The following CAND1 variants were observed in gnomAD, a reference collection of about 807,000 sequenced individuals.
The protein encoded by CAND1 is cullin-associated NEDD8-dissociated protein 1.
CAND1 carries 7 observed loss-of-function variants against 108.5 expected under a neutral mutation model. The ratio of observed to expected loss-of-function variants is 0.06; its 90% CI spans 0.04 to 0.12. The LOEUF is 0.12. Among genes scored for constraint, CAND1 ranks in the 10% least tolerant of loss-of-function variants. The probability of loss-of-function intolerance (pLI) is 1.00; values close to 1 mark genes in which losing one functional copy is unlikely to be tolerated. For synonymous variants in CAND1, 534 were observed against 512.0 expected, an observed-to-expected ratio of 1.04 and a Z score of -0.58; for missense variants, 941 against 1,448.7, an observed-to-expected ratio of 0.65 and a Z score of 5.69.
intron 1 of CAND1, among the ~76,000 whole-genome samples, chr12:67,281,191 G>A (rs1328400821): frequency 1.3e-5 from 2 of 151,456 alleles, no homozygotes; most frequent in East Asian, 1.9e-4. Context: ...TTAGCTGGGC[G>A]TGGTGACAGG....
rs1416743995 is a variant in CAND1 at position 67,282,469 on chromosome 12, C to T, written c.212+416C>T. 1.1e-4 allele frequency among the ~76,000 whole-genome samples: 17 copies of T among 151,972 alleles called. No individual in the cohort carries two copies. The East Asian group carries it at 3.1e-3, about 28-fold the overall frequency. On this transcript the variant is annotated intron_variant, in intron 2 of 14. Coordinates refer to ENST00000545606, the MANE Select transcript of CAND1 (RefSeq NM_018448.5). ...ACATTCTTTTTTTTTAAGGCAGGGT[C>T]TCACCTTGTCTCCCAGGTGAGAGTG...
At position 67,305,482 on chromosome 12, in the gene CAND1, G is replaced by A. The variant is rs753736341; in HGVS notation, c.1814G>A (p.Gly605Asp). The A allele has an allele frequency of 6.2e-7, 1 of 1,613,716 alleles. No individual in the cohort carries two copies. The highest frequency in any genetic ancestry group is 8.5e-7 in the Non-Finnish European group (1 of 1,180,000). The change falls in exon 10 of 15, where the codon GGT becomes GAT. Residue 605 changes from glycine (G) to aspartate (D), a missense_variant. Transcript: ENST00000545606. This position sits in a 1 kb window ranked among gnomAD's most constrained non-coding sequence, Gnocchi z 4.4. ...ATTTGCAACCTTGGAGACAATTTGG[G>A]TTCTGACTTGCCTAATACACTTCAG... The part of the protein sequence containing the change: ...QIICNLGDNL[G>D]SDLPNTLQIF...
At chr12:67,307,298 G>A (rs753842295) in intron 10 of CAND1, 99 bp from the exon 11 acceptor site, 26 of 784,498 alleles carry the variant, frequency 3.3e-5, no homozygotes, top group Non-Finnish European at 5.5e-5. Flanking sequence ...GAATTCTAAG[G>A]CATTGAAGAC....
chr12:67,282,373 A>G (rs577062760), intron 2 of CAND1, among the ~76,000 whole-genome samples: 12 of 152,260 alleles, frequency 7.9e-5, no homozygotes, highest in African/African-American at 2.9e-4. Context: ...TCCTCTATGT[A>G]TCTCTGTATT....
At chr12:67,300,014 A>G (rs977852973) in intron 7 of CAND1, among the ~76,000 whole-genome samples, 1 of 152,126 alleles carries the variant, frequency 6.6e-6, no homozygotes, top group Admixed American at 6.6e-5. Flanking sequence ...CTCCTCCACA[A>G]CAGAGCTCCT....
Position 67,317,375 on chromosome 12 carries a change from A to T in CAND1, c.*4545A>T, listed in dbSNP as rs1445826307. On this transcript the variant is annotated 3_prime_UTR_variant, in exon 15 of 15. Transcript: ENST00000545606. ...TGATCTCAAACTCCTGGGCTCAAGC[A>T]ATCCTGTGTTGGCCTCCTAAACTGC... 1 of 151,802 alleles carries T rather than the reference A, an allele frequency of 6.6e-6. No homozygotes were observed. The highest frequency in any genetic ancestry group is 1.5e-5 in the Non-Finnish European group (1 of 68,006). 9.4% of individuals were successfully genotyped at this position (151,802 alleles called of 1,614,324 possible). A position where few individuals can be genotyped will look rare whatever the true frequency, so the allele number is the denominator to read the frequency against.
intron 3 of CAND1, among the ~76,000 whole-genome samples, chr12:67,294,725 C>G (rs1482899995): frequency 6.6e-6 from 1 of 152,144 alleles, no homozygotes; most frequent in Non-Finnish European, 1.5e-5. Flanking sequence ...ATCTCTAATT[C>G]TTGTTTATGT....
intron 2 of CAND1, among the ~76,000 whole-genome samples, chr12:67,286,826 C>T (rs533528357): frequency 6.6e-6 from 1 of 152,158 alleles, no homozygotes; most frequent in Non-Finnish European, 1.5e-5. Flanking sequence ...TTTATTTTTG[C>T]AAAGGATGTG....
chr12:67,296,260 A>G lies in CAND1; in HGVS notation c.491+1104A>G, dbSNP rs114861207. 2.8e-3 allele frequency among the ~76,000 whole-genome samples: 432 copies of G among 152,154 alleles called. 1 individual carries two copies. Among genetic ancestry groups the G allele is most frequent in the African/African-American group, 9.4e-3 (391 of 41,524 alleles). On this transcript the variant is annotated intron_variant, in intron 4 of 14. Transcript: ENST00000545606. ...GTAGTAGTGACTCATTGAACTATACATTTGAGATGATTTGGAAGAGGGGTG... is the reference window on the plus strand; with the variant it reads ...GTAGTAGTGACTCATTGAACTATACGTTTGAGATGATTTGGAAGAGGGGTG...
intron 13 of CAND1, chr12:67,310,695 C>T (rs968056226): frequency 6.4e-6 from 1 of 157,312 alleles, no homozygotes; most frequent in Non-Finnish European, 1.4e-5. Flanking sequence ...GGAGGGTTTT[C>T]TTAGCATTGT....
rs1350433012 is a variant in CAND1 at position 67,312,701 on chromosome 12, A to C, written c.3564A>C (p.Glu1188Asp). 2 of 1,613,794 alleles carry C rather than the reference A, an allele frequency of 1.2e-6. No homozygotes were observed. Among genetic ancestry groups the C allele is most frequent in the Non-Finnish European group, 8.5e-7 (1 of 1,179,754 alleles). Residue 1188 changes from glutamate (E) to aspartate (D), a missense_variant, in exon 15 of 15, where the codon GAA (glutamate) becomes GAC (aspartate). Physicochemically the swap from Glu to Asp is conservative, Grantham distance 45. Coordinates refer to ENST00000545606, the MANE Select transcript of CAND1 (RefSeq NM_018448.5). ...TAGCAGCACTGCTAACCATTCCAGA[A>C]GCAGAGAAGAGTCCACTGATGAGTG... ...RAVAALLTIP[E>D]AEKSPLMSEF...
At position 67,303,645 on chromosome 12, in the gene CAND1, A is replaced by T. The variant is rs2044848207; in HGVS notation, c.1294-960A>T. ...TCTTGGCTTTTTGTTTTTACTCTGTACTTGCTTTGCTGTTGAGGTATTCTA... is the reference window on the plus strand; with the variant it reads ...TCTTGGCTTTTTGTTTTTACTCTGTTCTTGCTTTGCTGTTGAGGTATTCTA... On this transcript the variant is annotated intron_variant, in intron 8 of 14. Transcript: ENST00000545606. Among the ~76,000 whole-genome samples the T allele has an allele frequency of 2.6e-5, 4 of 152,194 alleles. No homozygotes were observed. The South Asian group carries it at 8.3e-4, about 32-fold the overall frequency.
intron 1 of CAND1, 54 bp downstream of exon 1, chr12:67,269,839 C>G: frequency 6.7e-7 from 1 of 1,497,672 alleles, no homozygotes; most frequent in Non-Finnish European, 9.2e-7. Context: ...AGCCGCGGCC[C>G]TGGCCGTCAC....
chr12:67,269,609 C>A lies in CAND1; in HGVS notation c.-109C>A. ...CGGCGTCGCGCTGCGACCCTGGAAG[C>A]GGGAGCCGCCGCGAGCGAGAGGAGG... On this transcript the variant is annotated 5_prime_UTR_variant, in exon 1 of 15. Coordinates refer to ENST00000545606, the MANE Select transcript of CAND1 (RefSeq NM_018448.5). 1.1e-6 allele frequency: 1 copy of A among 926,044 alleles called. No individual in the cohort carries two copies. The highest frequency in any genetic ancestry group is 1.6e-6 in the Non-Finnish European group (1 of 611,104). 57.4% of individuals were successfully genotyped at this position (926,044 alleles called of 1,614,324 possible).
intron 1 of CAND1, 186 bp downstream of exon 1, chr12:67,269,971 C>G: frequency 1.8e-6 from 1 of 551,230 alleles, no homozygotes; most frequent in Non-Finnish European, 3.2e-6. Context: ...TCTTGCAACC[C>G]CCTCCCCCCA....
rs758709498 is a variant in CAND1 at position 67,282,062 on chromosome 12, T to A, written c.212+9T>A. ...AATTTAGCTGTCAAATGGTAAGTTG[T>A]TTTTTACTGGTTGAGTCTTTCTTCC... On this transcript the variant is annotated intron_variant, in intron 2 of 14. Transcript: ENST00000545606. 2 of 1,610,920 alleles carry A rather than the reference T, an allele frequency of 1.2e-6. No homozygotes were observed. The highest frequency in any genetic ancestry group is 2.2e-5 in the East Asian group (1 of 44,712).
intron 11 of CAND1, among the ~76,000 whole-genome samples, 155 bp downstream of exon 11, chr12:67,307,647 G>A (rs576140906): frequency 3.2e-4 from 49 of 152,028 alleles, no homozygotes; most frequent in Non-Finnish European, 5.3e-4. Flanking sequence ...TTAACAAATT[G>A]CATTTGCCTG....
chr12:67,283,198 G>C (rs1013164921), intron 2 of CAND1, among the ~76,000 whole-genome samples: 2 of 152,052 alleles, frequency 1.3e-5, no homozygotes, highest in African/African-American at 4.8e-5. Flanking sequence ...AAAAATATGA[G>C]AACTAATTTG....
intron 2 of CAND1, among the ~76,000 whole-genome samples, chr12:67,285,791 G>C (rs951625879): frequency 6.6e-6 from 1 of 152,106 alleles, no homozygotes; most frequent in South Asian, 2.1e-4. Flanking sequence ...CGTAGTATGT[G>C]TTCCTGTGTC....
Sources: gnomAD v4.1 joint callset for allele counts (sites outside exome capture counted in the v4.1 genomes callset) on GRCh38, gnomAD v4.1.1 for gene constraint, Gnocchi (gnomAD v3.1) non-coding constraint, MANE v1.5 for transcripts, NCBI Gene and HGNC (gene_info 2026-07-23, HGNC 2026-07-21) for gene names.